Variants in SENP7 observed in about 807,000 individuals in gnomAD.
SENP7 encodes SUMO specific peptidase 7, also known as sentrin-specific protease 7.
SENP7 carries 64 observed loss-of-function variants against 141.2 expected under a neutral mutation model. That is an observed-to-expected ratio of 0.45 (90% CI 0.37 to 0.56). SENP7 has a LOEUF of 0.56. SENP7 is among the 20% of genes least tolerant of loss of function. The pLI is 0.00. For missense variants in SENP7, 1,025 were observed against 1,212.2 expected (o/e 0.85, Z 2.29); for synonymous variants, 382 against 426.4 (o/e 0.90, Z 1.28).
intron 6 of SENP7, among the ~76,000 whole-genome samples, chr3:101,386,958 C>T (rs2060671785): frequency 6.6e-6 from 1 of 152,236 alleles, no homozygotes; most frequent in African/African-American, 2.4e-5. Flanking sequence ...GCCAACGCCA[C>T]CAATGTTGGC....
chr3:101,362,463 C>T (rs1188217073), intron 10 of SENP7, among the ~76,000 whole-genome samples: 2 of 152,126 alleles, frequency 1.3e-5, no homozygotes, highest in Non-Finnish European at 2.9e-5. Flanking sequence ...CTTGCTACTG[C>T]ACTTTAAAAT....
intron 1 of SENP7, among the ~76,000 whole-genome samples, chr3:101,502,921 TA>T (rs371641769): frequency 0.3 from 40,920 of 134,476 alleles, 6,492 homozygotes; most frequent in African/African-American, 0.48. Context: ...GTCTCAGATT[TA>T]AAAAAAAAAA....
At chr3:101,508,636 C>T (rs2065727356) in intron 1 of SENP7, among the ~76,000 whole-genome samples, 1 of 152,136 alleles carries the variant, frequency 6.6e-6, no homozygotes, top group Non-Finnish European at 1.5e-5. Context: ...AAAACTGTTC[C>T]TTACAGCTTT....
intron 11 of SENP7, chr3:101,357,956 A>C: frequency 1.5e-6 from 1 of 675,128 alleles, no homozygotes; most frequent in Non-Finnish European, 2.4e-6. Flanking sequence ...CAAAGCTTTT[A>C]ACCACCCCTC....
At chr3:101,413,624 A>G (rs954997047) in intron 5 of SENP7, among the ~76,000 whole-genome samples, 5 of 150,980 alleles carry the variant, frequency 3.3e-5, no homozygotes, top group African/African-American at 1.2e-4. Flanking sequence ...ATCACAACAT[A>G]GTGTGATAAG....
intron 6 of SENP7, among the ~76,000 whole-genome samples, chr3:101,390,739 T>C (rs962100743): frequency 6.6e-5 from 10 of 152,232 alleles, no homozygotes; most frequent in Non-Finnish European, 1.5e-4. Context: ...ATCTACACTA[T>C]TGATCAAATG....
intron 13 of SENP7, among the ~76,000 whole-genome samples, chr3:101,344,991 C>CAAAAAAAAAAAAAAAAAAA (rs71132568): frequency 1.6e-5 from 1 of 61,342 alleles, no homozygotes; most frequent in Non-Finnish European, 2.8e-5. Context: ...AAAAAGAAAG[C>CAAAAAAAAAAAAAAAAAAA]AAAAAAAAAA....
At position 101,395,179 on chromosome 3, in the gene SENP7, T is replaced by C. The variant is rs555767027; in HGVS notation, c.677+3682A>G. Among the ~76,000 whole-genome samples the C allele has an allele frequency of 1.8e-4, 28 of 152,338 alleles. No homozygotes were observed. In the East Asian group the frequency reaches 5.4e-3, roughly 29 times the overall value. ...TAATATAGTCTCATTTATGTATTTTTTGTTGTTGCCTGTGTGAGGTCTAAG... is the reference window on the plus strand; with the variant it reads ...TAATATAGTCTCATTTATGTATTTTCTGTTGTTGCCTGTGTGAGGTCTAAG... On this transcript the variant is annotated intron_variant, in intron 6 of 23. Transcript: ENST00000394095.
intron 11 of SENP7, chr3:101,359,204 C>T (rs1417070155): frequency 1.3e-5 from 2 of 151,570 alleles, no homozygotes; most frequent in Non-Finnish European, 2.9e-5. Context: ...GTGCTTACAC[C>T]TTATTTCACA....
At chr3:101,451,357 C>T (rs1436342805) in intron 4 of SENP7, among the ~76,000 whole-genome samples, 1 of 152,210 alleles carries the variant, frequency 6.6e-6, no homozygotes, top group African/African-American at 2.4e-5. Flanking sequence ...TCCTCCCTAA[C>T]TCATTTTATG....
At chr3:101,350,553 A>C (rs1183730746) in intron 12 of SENP7, among the ~76,000 whole-genome samples, 1 of 152,090 alleles carries the variant, frequency 6.6e-6, no homozygotes, top group East Asian at 1.9e-4. Context: ...CACAATCTGT[A>C]ATAAAATTTC....
intron 3 of SENP7, among the ~76,000 whole-genome samples, chr3:101,466,066 AT>A (rs2063748616): frequency 6.6e-6 from 1 of 152,326 alleles, no homozygotes; most frequent in South Asian, 2.1e-4. Context: ...TTTTAAAAAA[AT>A]AACCCATTCA....
At chr3:101,455,061 A>C (rs2063304029) in intron 4 of SENP7, among the ~76,000 whole-genome samples, 1 of 150,916 alleles carries the variant, frequency 6.6e-6, no homozygotes, top group African/African-American at 2.5e-5. Context: ...CTTTAAAGTA[A>C]GATCAAACAC....
chr3:101,344,099 T>A (rs897991467), intron 13 of SENP7, 145 bp from the exon 14 acceptor site: 1 of 634,758 alleles, frequency 1.6e-6, no homozygotes, highest in Non-Finnish European at 2.6e-6. Flanking sequence ...CAAATTAATA[T>A]CCCAAAAGTA....
intron 11 of SENP7, among the ~76,000 whole-genome samples, chr3:101,353,970 C>T (rs2059674251): frequency 6.6e-6 from 1 of 151,958 alleles, no homozygotes; most frequent in South Asian, 2.1e-4. Flanking sequence ...AAAAAAAGTT[C>T]TTTAATTTCT....
At chr3:101,509,602 G>A (rs561918117) in intron 1 of SENP7, among the ~76,000 whole-genome samples, 11 of 152,264 alleles carry the variant, frequency 7.2e-5, no homozygotes, top group Admixed American at 2.6e-4. Context: ...TCATTCCAAT[G>A]ACTTCAACTA....
At chr3:101,361,126 A>G (rs937784657) in intron 11 of SENP7, among the ~76,000 whole-genome samples, 2 of 152,028 alleles carry the variant, frequency 1.3e-5, no homozygotes, top group Non-Finnish European at 2.9e-5. Flanking sequence ...AATCGCTTGA[A>G]TACAGAAGGC....
chr3:101,383,041 A>G (rs2060548049), intron 6 of SENP7, among the ~76,000 whole-genome samples: 1 of 152,210 alleles, frequency 6.6e-6, no homozygotes, highest in South Asian at 2.1e-4. Flanking sequence ...CATATTCACT[A>G]AAAATGATTA....
chr3:101,334,841 G>A (rs1289788074), intron 17 of SENP7, among the ~76,000 whole-genome samples: 1 of 152,134 alleles, frequency 6.6e-6, no homozygotes, highest in Non-Finnish European at 1.5e-5. Flanking sequence ...AAGGAGGATA[G>A]GAGAGAATAT....
Sources: gnomAD v4.1 joint callset for allele counts (sites outside exome capture counted in the v4.1 genomes callset) on GRCh38, gnomAD v4.1.1 for gene constraint, MANE v1.5 for transcripts, NCBI Gene and HGNC (gene_info 2026-07-23, HGNC 2026-07-21) for gene names.